SEL1L3: variants seen among roughly 807,000 people sequenced by gnomAD.
The protein encoded by SEL1L3 is protein sel-1 homolog 3.
Under a neutral mutation model 142.8 loss-of-function variants are expected in SEL1L3, and 76 were observed. The ratio of observed to expected loss-of-function variants is 0.53; its 90% CI spans 0.44 to 0.64. The LOEUF (loss-of-function observed/expected upper bound fraction) is 0.64, where lower values mean the gene tolerates loss of function less well. Among genes scored for constraint, SEL1L3 ranks in the 30% least tolerant of loss-of-function variants. SEL1L3 has a pLI of 0.00. For synonymous variants in SEL1L3, 504 were observed against 519.6 expected, an observed-to-expected ratio of 0.97 and a Z score of 0.41; for missense variants, 1,262 against 1,381.7, an observed-to-expected ratio of 0.91 and a Z score of 1.37.
At chr4:25,806,992 G>A (rs920377604) in intron 9 of SEL1L3, among the ~76,000 whole-genome samples, 5 of 151,916 alleles carry the variant, frequency 3.3e-5, no homozygotes, top group Non-Finnish European at 2.9e-5. Flanking sequence ...CTCTTCCTTC[G>A]TATATACAAT....
chr4:25,780,966 C>A (rs578165590), intron 15 of SEL1L3, among the ~76,000 whole-genome samples: 1 of 151,638 alleles, frequency 6.6e-6, no homozygotes, highest in South Asian at 2.1e-4. Context: ...CCTGAGATTA[C>A]AAGCATGCAC....
rs201052891 is a variant in SEL1L3, at chr4:25,781,940, C to T, written c.2457+302G>A. Reference sequence around the variant, plus strand: ...CCATCTCACGCTTATTCCTGTCCTGCGTCATCTCCCACTCTTCCCTCTAGC... The same window carrying T: ...CCATCTCACGCTTATTCCTGTCCTGTGTCATCTCCCACTCTTCCCTCTAGC... On this transcript the variant is annotated intron_variant, in intron 15 of 23. Coordinates refer to ENST00000399878, the MANE Select transcript of SEL1L3 (RefSeq NM_015187.5). 7.2e-5 allele frequency among the ~76,000 whole-genome samples: 11 copies of T among 152,194 alleles called. No individual in the cohort carries two copies. In the East Asian group the frequency reaches 7.7e-4, roughly 11 times the overall value.
chr4:25,807,305 T>A (rs1713656740), intron 9 of SEL1L3, among the ~76,000 whole-genome samples: 1 of 152,208 alleles, frequency 6.6e-6, no homozygotes, highest in South Asian at 2.1e-4. Context: ...CCTCTGCTAA[T>A]CTGTTAGGAT....
chr4:25,721,487 A>G, the SEL1L3 span, among the ~76,000 whole-genome samples: 1 of 152,148 alleles, frequency 6.6e-6, no homozygotes, highest in Admixed American at 6.6e-5. Context: ...ACACCTGACC[A>G]GTCCTTCCAC....
chr4:25,847,610 G>A lies in SEL1L3; in HGVS notation c.417C>T (p.His139=), dbSNP rs1716616043. ...KKRWKNEKHL[H]TSRTQIVHVK... ...CATGTACTATTTGTGTCCTGCTGGTGTGAAGATGTTTCTCATTCTTCCACC... is the reference window on the plus strand; with the variant it reads ...CATGTACTATTTGTGTCCTGCTGGTATGAAGATGTTTCTCATTCTTCCACC... The change falls in exon 2 of 24, where the codon CAC becomes CAT. Residue 139 remains histidine (H), a synonymous_variant. Transcript: ENST00000399878. 3 of 1,614,002 alleles carry A rather than the reference G, an allele frequency of 1.9e-6. No homozygotes were observed. The highest frequency in any genetic ancestry group is 3.3e-4 in the Middle Eastern group (2 of 6,062).
intron 13 of SEL1L3, among the ~76,000 whole-genome samples, chr4:25,785,476 C>T (rs1203007428): frequency 2.0e-5 from 3 of 152,186 alleles, no homozygotes; most frequent in Non-Finnish European, 4.4e-5. Context: ...CTTGTAGGAT[C>T]CAGGAACCAT....
chr4:25,777,698 T>A, intron 16 of SEL1L3: 2 of 390,530 alleles, frequency 5.1e-6, no homozygotes, highest in Middle Eastern at 3.6e-4. Context: ...TAACAGAAAA[T>A]CCACAAAACA....
At chr4:25,825,187 T>G (rs1715012299) in intron 6 of SEL1L3, among the ~76,000 whole-genome samples, 1 of 152,236 alleles carries the variant, frequency 6.6e-6, no homozygotes, top group African/African-American at 2.4e-5. Flanking sequence ...CCTAGGGCAC[T>G]GAATCGTAAT....
At chr4:25,757,628 A>G in intron 22 of SEL1L3, 22 bp from the exon 23 acceptor site, 1 of 1,556,974 alleles carries the variant, frequency 6.4e-7, no homozygotes, top group Non-Finnish European at 8.7e-7. Context: ...AGAAGCACGC[A>G]TTAGTGACTG....
rs768099909 is a variant in SEL1L3, at chr4:25,782,339, C to T, written c.2360G>A (p.Trp787Ter). The change falls in exon 15 of 24, where the codon TGG (tryptophan) becomes TAG (stop). Residue 787 changes from tryptophan (W) to a stop codon, truncating the protein, a stop_gained. Coordinates refer to ENST00000399878, the MANE Select transcript of SEL1L3 (RefSeq NM_015187.5). LOFTEE classifies it high-confidence loss of function. Reference protein sequence around the residue: ...KKNYAKAAKYWLKAEEMGNPD... With the variant: ...KKNYAKAAKY The stretch of plus-strand genomic sequence containing the variant: ...GTTCCCCATTTCTTCTGCTTTTAAC[C>T]AGTACTTTGCTGCTTTGGCGTAATT... The T allele has an allele frequency of 6.2e-7, 1 of 1,613,868 alleles. No individual in the cohort carries two copies. Among genetic ancestry groups the T allele is most frequent in the Non-Finnish European group, 8.5e-7 (1 of 1,179,780 alleles).
chr4:25,847,742 G>A lies in SEL1L3; in HGVS notation c.285C>T (p.Asn95=), dbSNP rs371579636. 37 of 1,613,688 alleles carry A rather than the reference G, an allele frequency of 2.3e-5. No homozygotes were observed. Among genetic ancestry groups the A allele is most frequent in the Non-Finnish European group, 3.0e-5 (35 of 1,179,838 alleles). Residue 95 remains asparagine (N), a synonymous_variant, in exon 2 of 24, where the codon AAC becomes AAT. Transcript: ENST00000399878. Reference sequence around the variant, plus strand: ...AATACTCAACCGAGACTTCAGAAACGTTGCGAACGTTTCCTTCAAAGACAG... The same window carrying A: ...AATACTCAACCGAGACTTCAGAAACATTGCGAACGTTTCCTTCAAAGACAG... The part of the protein sequence containing the change: ...YFTVFEGNVR[N]VSEVSVEYLC...
intron 17 of SEL1L3, among the ~76,000 whole-genome samples, chr4:25,773,159 A>G (rs1356697942): frequency 6.6e-6 from 1 of 152,218 alleles, no homozygotes; most frequent in African/African-American, 2.4e-5. Context: ...ATTATATGTT[A>G]TATAAAGTAA....
chr4:25,793,809 G>T (rs73103960), intron 11 of SEL1L3, among the ~76,000 whole-genome samples: 8,731 of 152,216 alleles, frequency 0.057, 553 homozygotes, highest in African/African-American at 0.15. Flanking sequence ...AATGACCTAG[G>T]TTCAAATCTA....
At chr4:25,803,439 G>A (rs562301793) in intron 10 of SEL1L3, among the ~76,000 whole-genome samples, 4 of 152,180 alleles carry the variant, frequency 2.6e-5, no homozygotes, top group African/African-American at 4.8e-5. Flanking sequence ...CCCAAACCAC[G>A]CATACACAAT....
intron 7 of SEL1L3, among the ~76,000 whole-genome samples, chr4:25,820,914 G>A (rs1714711299): frequency 6.6e-6 from 1 of 152,094 alleles, no homozygotes; most frequent in African/African-American, 2.4e-5. Flanking sequence ...TGTATTTTTA[G>A]TAGACACGGG....
At position 25,767,780 on chromosome 4, in the gene SEL1L3, A is replaced by G; in HGVS notation, c.2720T>C (p.Val907Ala). 1.3e-6 allele frequency: 2 copies of G among 1,584,100 alleles called. No homozygotes were observed. The highest frequency in any genetic ancestry group is 1.7e-6 in the Non-Finnish European group (2 of 1,163,460). Residue 907 changes from valine to alanine, a missense_variant, in exon 18 of 24, where the codon GTG (valine) becomes GCG (alanine). By Grantham distance (64) the Val-to-Ala change is moderately conservative. This residue lies in a region of SEL1L3 where 435 missense variants were observed against 559.2 expected (regional missense o/e 0.78). Transcript: ENST00000399878. ...YVLAAETGIE[V>A]SQTNLAHICE... is the part of the protein sequence containing the mutation. Reference sequence around the variant, plus strand: ...GATGTGTGCTAAATTTGTCTGTGACACTTCAATTCCAGTTTCTGCTGCTAA... The same window carrying G: ...GATGTGTGCTAAATTTGTCTGTGACGCTTCAATTCCAGTTTCTGCTGCTAA...
chr4:25,751,614 T>C (rs1042778850), intron 23 of SEL1L3, among the ~76,000 whole-genome samples: 2 of 151,492 alleles, frequency 1.3e-5, no homozygotes, highest in African/African-American at 4.8e-5. Context: ...ACAAGTTCCC[T>C]TGAAGGAAAG....
chr4:25,821,560 C>T (rs1010586063), intron 7 of SEL1L3, among the ~76,000 whole-genome samples: 12 of 152,240 alleles, frequency 7.9e-5, no homozygotes, highest in Non-Finnish European at 1.3e-4. Flanking sequence ...CCGACCCCAG[C>T]GTGAGCTGAA....
chr4:25,741,050 G>A, the SEL1L3 span, among the ~76,000 whole-genome samples: 3 of 151,754 alleles, frequency 2.0e-5, no homozygotes, highest in Non-Finnish European at 2.9e-5. Context: ...CTTCCAAAGT[G>A]CTGGGATTAT....
Sources: allele counts gnomAD v4.1 joint callset (sites outside exome capture counted in the v4.1 genomes callset), GRCh38; gene constraint gnomAD v4.1.1; regional missense constraint gnomAD v4.1.1; transcripts MANE v1.5; gene names NCBI Gene and HGNC (gene_info 2026-07-23, HGNC 2026-07-21).